The following TBCEL variants were observed in gnomAD, a reference collection of about 807,000 sequenced individuals.
TBCEL encodes tubulin-specific chaperone cofactor E-like protein.
Under a neutral mutation model 44.2 loss-of-function variants are expected in TBCEL, and 15 were observed. The observed-to-expected ratio is 0.34, with a 90% CI of 0.23 to 0.52. TBCEL has a LOEUF of 0.52. TBCEL is among the 20% of genes least tolerant of loss of function. TBCEL has a pLI of 0.95. For missense variants in TBCEL, 319 were observed against 506.3 expected (o/e 0.63, Z 3.55); for synonymous variants, 171 against 185.4 (o/e 0.92, Z 0.63).
rs139910796 is a variant in TBCEL at position 121,040,880 on chromosome 11, T to G, written c.-18+4268T>G. Among the ~76,000 whole-genome samples, 715 of 152,308 alleles carry G rather than the reference T, an allele frequency of 4.7e-3. 5 individuals carry two copies. Among genetic ancestry groups the G allele is most frequent in the Middle Eastern group, 0.017 (5 of 294 alleles). ...CCACTCGTATTCCTCATTTCTTCTC[T>G]CTGGAGTCAACTGTCGATACTACTT... On this transcript the variant is annotated intron_variant, in intron 2 of 8. Transcript: ENST00000683345.
chr11:121,085,359 G>A (rs940865931), intron 8 of TBCEL, among the ~76,000 whole-genome samples: 1 of 152,152 alleles, frequency 6.6e-6, no homozygotes, highest in Non-Finnish European at 1.5e-5. Flanking sequence ...TTTAATGGTT[G>A]TGTGTGCTTT....
chr11:121,027,219 T>G (rs1945061914), intron 1 of TBCEL, among the ~76,000 whole-genome samples: 1 of 152,194 alleles, frequency 6.6e-6, no homozygotes, highest in Non-Finnish European at 1.5e-5. Context: ...AATTTGGGCT[T>G]AAAGGGTGAA....
intron 8 of TBCEL, among the ~76,000 whole-genome samples, chr11:121,063,283 T>C (rs999496650): frequency 1.3e-5 from 2 of 152,038 alleles, no homozygotes; most frequent in African/African-American, 2.4e-5. Context: ...AAAAAAAAAA[T>C]AGTAAGTGTT....
intron 8 of TBCEL, among the ~76,000 whole-genome samples, chr11:121,081,493 A>G (rs1458612808): frequency 6.6e-6 from 1 of 152,242 alleles, no homozygotes; most frequent in African/African-American, 2.4e-5. Context: ...AATATAAATC[A>G]AAATCATTAA....
At chr11:121,028,431 G>A (rs1256591415) in intron 1 of TBCEL, among the ~76,000 whole-genome samples, 2 of 152,274 alleles carry the variant, frequency 1.3e-5, no homozygotes, top group East Asian at 3.9e-4. Flanking sequence ...AATGAACTGA[G>A]CAATATCATA....
intron 2 of TBCEL, among the ~76,000 whole-genome samples, chr11:121,037,310 A>G (rs975577801): frequency 1.3e-5 from 2 of 152,266 alleles, no homozygotes; most frequent in Non-Finnish European, 2.9e-5. Flanking sequence ...CTATAATTCT[A>G]CAAAATAGTG....
intron 4 of TBCEL, among the ~76,000 whole-genome samples, chr11:121,051,537 G>T (rs760057666): frequency 1.3e-5 from 2 of 151,800 alleles, no homozygotes; most frequent in Non-Finnish European, 1.5e-5. Flanking sequence ...ATCATAGAAT[G>T]CAGTACAGAT....
chr11:121,036,052 A>T (rs1386456505), intron 1 of TBCEL: 1 of 152,212 alleles, frequency 6.6e-6, no homozygotes, highest in African/African-American at 2.4e-5. Flanking sequence ...TACAGAAAGT[A>T]TGACTTAGCA....
At position 121,078,955 on chromosome 11, in the gene TBCEL, C is replaced by A. The variant is rs369060090; in HGVS notation, c.957-7823C>A. Among the ~76,000 whole-genome samples, 5 of 152,244 alleles carry A rather than the reference C, an allele frequency of 3.3e-5. No homozygotes were observed. The East Asian group carries it at 7.7e-4, about 23-fold the overall frequency. On this transcript the variant is annotated intron_variant, in intron 8 of 8. Transcript: ENST00000683345. Reference sequence around the variant, plus strand: ...TTGATAAATGTGGATTAAAATCATTCTTTTAACTGCTGTATAGTATTCTAT... The same window carrying A: ...TTGATAAATGTGGATTAAAATCATTATTTTAACTGCTGTATAGTATTCTAT...
At chr11:121,025,809 A>G (rs1945036498) in intron 1 of TBCEL, among the ~76,000 whole-genome samples, 1 of 151,782 alleles carries the variant, frequency 6.6e-6, no homozygotes, top group African/African-American at 2.4e-5. Context: ...TATACCACGT[A>G]GCATATTTGA....
At chr11:121,052,166 A>G (rs892358021) in intron 4 of TBCEL, among the ~76,000 whole-genome samples, 1 of 151,862 alleles carries the variant, frequency 6.6e-6, no homozygotes, top group South Asian at 2.1e-4. Flanking sequence ...TATGTTCATA[A>G]TAGTTACATT....
chr11:121,029,757 G>A (rs964228982), intron 1 of TBCEL, among the ~76,000 whole-genome samples: 3 of 147,480 alleles, frequency 2.0e-5, no homozygotes, highest in African/African-American at 5.0e-5. Flanking sequence ...ATGCGTTTCC[G>A]GTGATTTTCA....
At chr11:121,072,499 T>G (rs1945953610) in intron 8 of TBCEL, among the ~76,000 whole-genome samples, 1 of 152,208 alleles carries the variant, frequency 6.6e-6, no homozygotes, top group Non-Finnish European at 1.5e-5. Flanking sequence ...AGCTTTTTTC[T>G]ACTACTCTCA....
chr11:121,037,692 G>T (rs1945257004), intron 2 of TBCEL, among the ~76,000 whole-genome samples: 1 of 152,162 alleles, frequency 6.6e-6, no homozygotes, highest in African/African-American at 2.4e-5. Flanking sequence ...TAATCTTTGT[G>T]TAAAAAATAT....
intron 1 of TBCEL, among the ~76,000 whole-genome samples, chr11:121,031,518 A>G (rs986871146): frequency 5.3e-5 from 8 of 151,900 alleles, no homozygotes; most frequent in African/African-American, 1.7e-4. Flanking sequence ...CCATTTTCCT[A>G]TTAGGTTGTC....
chr11:121,061,624 G>A (rs1945724327), intron 8 of TBCEL, among the ~76,000 whole-genome samples: 1 of 152,032 alleles, frequency 6.6e-6, no homozygotes, highest in Non-Finnish European at 1.5e-5. Flanking sequence ...AATGAATGTT[G>A]TAACACAATG....
chr11:121,076,482 T>C (rs1946035819), intron 8 of TBCEL, among the ~76,000 whole-genome samples: 1 of 152,062 alleles, frequency 6.6e-6, no homozygotes, highest in East Asian at 1.9e-4. Context: ...TGTTCACTGC[T>C]AGGCATAGAA....
intron 1 of TBCEL, among the ~76,000 whole-genome samples, chr11:121,031,405 G>C (rs1028386201): frequency 6.6e-6 from 1 of 152,086 alleles, no homozygotes; most frequent in African/African-American, 2.4e-5. Flanking sequence ...ATCTCATTGA[G>C]ATTTTAATTT....
chr11:121,076,438 A>G (rs1946034957), intron 8 of TBCEL, among the ~76,000 whole-genome samples: 1 of 151,990 alleles, frequency 6.6e-6, no homozygotes, highest in Non-Finnish European at 1.5e-5. Flanking sequence ...TGGCCCTGTT[A>G]TAAGTAGTAC....
Sources: allele counts gnomAD v4.1 joint callset (sites outside exome capture counted in the v4.1 genomes callset), GRCh38; gene constraint gnomAD v4.1.1; transcripts MANE v1.5; gene names NCBI Gene and HGNC (gene_info 2026-07-23, HGNC 2026-07-21).